Variants in TNRC6C observed in about 807,000 individuals in gnomAD.
TNRC6C encodes trinucleotide repeat-containing gene 6C protein.
TNRC6C carries 20 observed loss-of-function variants against 153.7 expected under a neutral mutation model. The ratio of observed to expected loss-of-function variants is 0.13; its 90% CI spans 0.09 to 0.19. The LOEUF (loss-of-function observed/expected upper bound fraction) is 0.19. Among genes scored for constraint, TNRC6C ranks in the 10% least tolerant of loss-of-function variants. The pLI, the probability that TNRC6C is intolerant of heterozygous loss-of-function variation, is 1.00. For synonymous variants in TNRC6C, 811 were observed against 841.4 expected (o/e 0.96, Z 0.63); for missense variants, 1,987 against 2,172.0 (o/e 0.91, Z 1.69).
At chr17:77,967,401 C>CG (rs10711167) in intron 1 of TNRC6C, among the ~76,000 whole-genome samples, 4,763 of 151,168 alleles carry the variant, frequency 0.032, 95 homozygotes, top group South Asian at 0.059. Context: ...ACAAGTCATG[C>CG]GGGGGGGGAG....
chr17:78,102,302 G>A (rs2073611409), intron 17 of TNRC6C, among the ~76,000 whole-genome samples, 172 bp from the exon 21 acceptor site: 1 of 152,218 alleles, frequency 6.6e-6, no homozygotes, highest in East Asian at 1.9e-4. Context: ...CAGGGACTGT[G>A]AGGTTTTGGT....
chr17:78,024,645 G>A (rs571828341), intron 1 of TNRC6C, among the ~76,000 whole-genome samples: 1 of 151,202 alleles, frequency 6.6e-6, no homozygotes, highest in African/African-American at 2.4e-5. Context: ...GATTACAGGC[G>A]TGAGCCACCG....
chr17:77,963,371 A>G (rs1311296588), intron 1 of TNRC6C, among the ~76,000 whole-genome samples: 1 of 152,238 alleles, frequency 6.6e-6, no homozygotes, highest in Non-Finnish European at 1.5e-5. Flanking sequence ...TTATTTAATG[A>G]AAAGTAAATT....
chr17:77,975,933 A>G (rs2070991739), intron 1 of TNRC6C, among the ~76,000 whole-genome samples: 1 of 152,154 alleles, frequency 6.6e-6, no homozygotes, highest in African/African-American at 2.4e-5. Flanking sequence ...AACTTTCTCA[A>G]CTGATCATGG....
intron 11 of TNRC6C, among the ~76,000 whole-genome samples, chr17:78,084,198 C>T (rs994927047): frequency 3.2e-4 from 48 of 151,616 alleles, no homozygotes; most frequent in African/African-American, 9.2e-4. Flanking sequence ...GCAGGAGAAT[C>T]GCTTGAACCT....
At chr17:78,050,398 A>C (rs1371892865) in exon 3 of TNRC6C, 2 of 1,614,010 alleles carry the variant, frequency 1.2e-6, no homozygotes, top group Admixed American at 1.7e-5. Context: ...AGTTCTGTCT[A>C]ATACTGGTTG....
At chr17:78,045,286 A>G (rs1455299088) in intron 2 of TNRC6C, among the ~76,000 whole-genome samples, 2 of 152,196 alleles carry the variant, frequency 1.3e-5, no homozygotes, top group Non-Finnish European at 1.5e-5. Context: ...TTCTAGAAAT[A>G]CCCAATATGT....
chr17:77,982,270 G>A lies in TNRC6C; in HGVS notation c.-37-21900G>A, dbSNP rs74434140. ...AGTAGCAGCCAGAACTAAGACATCTGTGCTAAGGCATCTATTATATATTAT... is the reference window on the plus strand; with the variant it reads ...AGTAGCAGCCAGAACTAAGACATCTATGCTAAGGCATCTATTATATATTAT... On this transcript the variant is annotated intron_variant, in intron 1 of 22. Coordinates refer to the TNRC6C transcript ENST00000636222. Among the ~76,000 whole-genome samples the A allele has an allele frequency of 1.4e-3, 210 of 152,104 alleles. 4 individuals are homozygous for A. In the East Asian group the frequency reaches 0.034, roughly 24 times the overall value.
chr17:77,999,016 T>C (rs1054960669), intron 1 of TNRC6C, among the ~76,000 whole-genome samples: 4 of 152,220 alleles, frequency 2.6e-5, no homozygotes, highest in African/African-American at 9.7e-5. Context: ...CTGGCCCACA[T>C]GTAGGAGTTA....
At position 77,987,595 on chromosome 17, in the gene TNRC6C, A is replaced by T. The variant is rs143499049; in HGVS notation, c.-37-16575A>T. Among the ~76,000 whole-genome samples, 515 of 152,262 alleles carry T rather than the reference A, an allele frequency of 3.4e-3. 3 individuals are homozygous for T. Among genetic ancestry groups the T allele is most frequent in the African/African-American group, 0.012 (482 of 41,546 alleles). ...TCAAATGGAAACACCTAAATAAGCA[A>T]CCGGGGAATTAAGTAAATTATGGTC... On this transcript the variant is annotated intron_variant, in intron 1 of 22. Coordinates refer to the TNRC6C transcript ENST00000636222.
At chr17:78,054,775 T>C (rs1199917886) in intron 3 of TNRC6C, among the ~76,000 whole-genome samples, 1 of 149,680 alleles carries the variant, frequency 6.7e-6, no homozygotes, top group Non-Finnish European at 1.5e-5. Context: ...TACACTACTA[T>C]ACATTACTGC....
upstream of TNRC6C, among the ~76,000 whole-genome samples, chr17:78,003,832 G>T (rs1198060881): frequency 6.6e-6 from 1 of 152,222 alleles, no homozygotes; most frequent in Non-Finnish European, 1.5e-5. Context: ...GGGAGGCCAG[G>T]GCAGGAGATC....
chr17:78,050,041 G>A (rs373925530), exon 3 of TNRC6C: 1 of 1,612,184 alleles, frequency 6.2e-7, no homozygotes, highest in African/African-American at 1.3e-5. Flanking sequence ...CCATTCAGGA[G>A]CTTGGGGCCA....
intron 3 of TNRC6C, 49 bp downstream of exon 5, chr17:78,051,497 AAG>A: frequency 8.3e-6 from 11 of 1,331,378 alleles, no homozygotes; most frequent in Non-Finnish European, 1.1e-5. Context: ...AAAAAAAAAA[AAG>A]CTTATTCTCA....
At chr17:77,996,132 G>A (rs1318487575) in intron 1 of TNRC6C, among the ~76,000 whole-genome samples, 1 of 152,180 alleles carries the variant, frequency 6.6e-6, no homozygotes, top group Non-Finnish European at 1.5e-5. Flanking sequence ...CAATACTAAA[G>A]TAATTTTTAT....
exon 9 of TNRC6C, chr17:78,077,270 C>A: frequency 6.3e-7 from 1 of 1,594,698 alleles, no homozygotes; most frequent in East Asian, 2.3e-5. Flanking sequence ...AGTGCACTCC[C>A]CAGTCAGGCC....
At chr17:78,051,311 C>G in exon 3 of TNRC6C, 1 of 1,551,708 alleles carries the variant, frequency 6.4e-7, no homozygotes, top group Non-Finnish European at 8.7e-7. Flanking sequence ...AGAAACAACC[C>G]GGTCATCCAG....
intron 2 of TNRC6C, among the ~76,000 whole-genome samples, chr17:78,038,595 C>T (rs992568513): frequency 4.0e-5 from 6 of 150,442 alleles, no homozygotes; most frequent in African/African-American, 2.5e-5. Flanking sequence ...AGGAGAATGC[C>T]GTGAACCCGG....
intron 16 of TNRC6C, among the ~76,000 whole-genome samples, chr17:78,097,478 G>A (rs917791383): frequency 6.6e-6 from 1 of 152,156 alleles, no homozygotes; most frequent in African/African-American, 2.4e-5. Flanking sequence ...ATTCTGGCGG[G>A]AATTCTCAAA....
Sources: gnomAD v4.1 joint callset for allele counts (sites outside exome capture counted in the v4.1 genomes callset) on GRCh38, gnomAD v4.1.1 for gene constraint, MANE v1.5 for transcripts, NCBI Gene and HGNC (gene_info 2026-07-23, HGNC 2026-07-21) for gene names.